Variants in CCSER1 observed in about 807,000 individuals in gnomAD.
The protein encoded by CCSER1 is coiled-coil serine rich protein 1.
CCSER1 carries 41 observed loss-of-function variants against 82.0 expected under a neutral mutation model. The observed-to-expected ratio is 0.50, with a 90% CI of 0.39 to 0.65. The LOEUF is 0.65. Among genes scored for constraint, CCSER1 ranks in the 30% least tolerant of loss-of-function variants. The probability of loss-of-function intolerance (pLI) is 0.00; values close to 1 mark genes in which losing one functional copy is unlikely to be tolerated. For missense variants in CCSER1, 1,119 were observed against 1,064.2 expected (o/e 1.05, Z -0.72); for synonymous variants, 414 against 383.9 (o/e 1.08, Z -0.92).
chr4:91,109,502 T>G (rs1182747275), intron 10 of CCSER1, among the ~76,000 whole-genome samples: 2 of 150,748 alleles, frequency 1.3e-5, no homozygotes, highest in East Asian at 1.9e-4. Flanking sequence ...AAAAAAAAAG[T>G]GTCAAAAGTG....
At chr4:90,433,901 CAA>C (rs1046287611) in intron 4 of CCSER1, among the ~76,000 whole-genome samples, 9 of 151,602 alleles carry the variant, frequency 5.9e-5, no homozygotes, top group Admixed American at 3.3e-4. Context: ...AATTGTAAGA[CAA>C]GAGGTTTAAA....
chr4:90,683,504 T>A (rs1342775093), intron 6 of CCSER1, among the ~76,000 whole-genome samples: 3 of 152,018 alleles, frequency 2.0e-5, no homozygotes, highest in Non-Finnish European at 2.9e-5. Flanking sequence ...GTTGTACTTT[T>A]AAAAAATCTT....
At chr4:91,251,448 A>C (rs1193508220) in intron 10 of CCSER1, among the ~76,000 whole-genome samples, 2 of 152,176 alleles carry the variant, frequency 1.3e-5, no homozygotes, top group Non-Finnish European at 2.9e-5. Context: ...AGGGGACACA[A>C]GTATTCAGTC....
rs1580062546 is a variant in CCSER1 at position 90,707,386 on chromosome 4, A to G, written c.1933-16528A>G. On this transcript the variant is annotated intron_variant, in intron 6 of 10. Transcript: ENST00000509176. ...TGGACTTTACACTTCAAATGTGTACATGTGTACCTTTTGCCATCTTCCCTA... is the reference window on the plus strand; with the variant it reads ...TGGACTTTACACTTCAAATGTGTACGTGTGTACCTTTTGCCATCTTCCCTA... Among the ~76,000 whole-genome samples the G allele has an allele frequency of 6.6e-5, 10 of 152,122 alleles. No homozygotes were observed. In the South Asian group the frequency reaches 2.1e-3, roughly 32 times the overall value.
intron 3 of CCSER1, among the ~76,000 whole-genome samples, chr4:90,315,880 G>A (rs944451194): frequency 1.2e-4 from 18 of 152,138 alleles, no homozygotes; most frequent in Admixed American, 2.0e-4. Context: ...AGGAAGAAAT[G>A]GTAGGGATTA....
intron 10 of CCSER1, among the ~76,000 whole-genome samples, chr4:91,485,697 A>T (rs1169215267): frequency 2.0e-5 from 3 of 152,150 alleles, no homozygotes; most frequent in Admixed American, 6.5e-5. Context: ...GATAGTTACT[A>T]ATGCACTTGG....
chr4:90,169,069 T>A (rs1383101569), intron 1 of CCSER1, among the ~76,000 whole-genome samples: 1 of 152,082 alleles, frequency 6.6e-6, no homozygotes, highest in African/African-American at 2.4e-5. Flanking sequence ...CCTTGGGCAG[T>A]ATGGCCATGT....
chr4:90,972,251 A>G (rs951782252), intron 9 of CCSER1, among the ~76,000 whole-genome samples: 1 of 151,834 alleles, frequency 6.6e-6, no homozygotes, highest in Non-Finnish European at 1.5e-5. Flanking sequence ...ATGCCACCCA[A>G]AACTATTAGA....
At chr4:90,803,371 C>CA (rs1757073464) in intron 7 of CCSER1, among the ~76,000 whole-genome samples, 1 of 143,978 alleles carries the variant, frequency 6.9e-6, no homozygotes, top group Non-Finnish European at 1.6e-5. Flanking sequence ...AGTCCCCCAC[C>CA]CCCTGACAGG....
At chr4:91,022,523 C>A (rs984454171) in intron 9 of CCSER1, among the ~76,000 whole-genome samples, 2 of 151,994 alleles carry the variant, frequency 1.3e-5, no homozygotes, top group African/African-American at 4.8e-5. Flanking sequence ...GGGTATATAC[C>A]CAGTAATGGG....
At chr4:91,594,659 G>T (rs1251767971) in intron 10 of CCSER1, among the ~76,000 whole-genome samples, 1 of 151,790 alleles carries the variant, frequency 6.6e-6, no homozygotes, top group African/African-American at 2.4e-5. Context: ...TTTTAGAATT[G>T]GAAAGCAACT....
At chr4:90,829,519 ATG>A (rs1173899577) in intron 8 of CCSER1, among the ~76,000 whole-genome samples, 2 of 152,204 alleles carry the variant, frequency 1.3e-5, no homozygotes, top group Middle Eastern at 3.2e-3. Context: ...CCAAGTTACC[ATG>A]AGTTAACAGC....
rs1738975673 is a variant in CCSER1, at chr4:91,011,193, T to A, written c.2173-74757T>A. On this transcript the variant is annotated intron_variant, in intron 9 of 10. Coordinates refer to ENST00000509176, the MANE Select transcript of CCSER1 (RefSeq NM_001145065.2). Reference sequence around the variant, plus strand: ...CTTCTTCAGGTGCAATTCACATCAGTGATGACTGTGGGTGCCTCTGTGGCC... The same window carrying A: ...CTTCTTCAGGTGCAATTCACATCAGAGATGACTGTGGGTGCCTCTGTGGCC... 1.5e-5 allele frequency among the ~76,000 whole-genome samples: 2 copies of A among 134,632 alleles called. 1 individual carries two copies. Among genetic ancestry groups the A allele is most frequent in the Non-Finnish European group, 3.5e-5 (2 of 57,932 alleles). 88.3% of individuals were successfully genotyped at this position (134,632 alleles called of 152,430 possible). A position where few individuals can be genotyped will look rare whatever the true frequency, so the allele number is the denominator to read the frequency against.
intron 3 of CCSER1, among the ~76,000 whole-genome samples, chr4:90,327,134 AC>A (rs1264100594): frequency 1.3e-5 from 2 of 152,180 alleles, no homozygotes; most frequent in Non-Finnish European, 2.9e-5. Flanking sequence ...AGGAAAGCAG[AC>A]ACCATTTTCC....
rs532815523 is a variant in CCSER1 at position 90,272,261 on chromosome 4, T to C, written c.-41-35983T>C. 6.6e-5 allele frequency among the ~76,000 whole-genome samples: 10 copies of C among 152,266 alleles called. 1 individual carries two copies. In the South Asian group the frequency reaches 2.1e-3, roughly 32 times the overall value. On this transcript the variant is annotated intron_variant, in intron 1 of 10. Coordinates refer to ENST00000509176, the MANE Select transcript of CCSER1 (RefSeq NM_001145065.2). ...TTTTTAAATGGTCAAACGGTCTGAATAGACATTTGTCAAGACATGCAAATG... is the reference window on the plus strand; with the variant it reads ...TTTTTAAATGGTCAAACGGTCTGAACAGACATTTGTCAAGACATGCAAATG...
At chr4:90,297,983 T>G (rs992566040) in intron 1 of CCSER1, among the ~76,000 whole-genome samples, 1 of 152,156 alleles carries the variant, frequency 6.6e-6, no homozygotes, top group Non-Finnish European at 1.5e-5. Flanking sequence ...TGCCAGGCTT[T>G]GGTGTCAGGA....
intron 9 of CCSER1, among the ~76,000 whole-genome samples, chr4:91,082,411 A>C (rs1722870642): frequency 2.6e-5 from 4 of 152,220 alleles, no homozygotes; most frequent in African/African-American, 7.2e-5. Flanking sequence ...AAATTAATTC[A>C]AGATGGATTA....
At chr4:90,734,788 C>T (rs1745382010) in intron 7 of CCSER1, among the ~76,000 whole-genome samples, 1 of 152,078 alleles carries the variant, frequency 6.6e-6, no homozygotes, top group Non-Finnish European at 1.5e-5. Context: ...GTGGTTTCTT[C>T]CTTTCCAGTT....
In CCSER1 at chr4:90,534,279, G is replaced by A. The variant is rs112633786; in HGVS notation, c.1724+65925G>A. 7.5e-3 allele frequency among the ~76,000 whole-genome samples: 1,143 copies of A among 152,178 alleles called. 18 individuals are homozygous for A. Among genetic ancestry groups the A allele is most frequent in the African/African-American group, 0.026 (1,079 of 41,518 alleles). On this transcript the variant is annotated intron_variant, in intron 5 of 10. Transcript: ENST00000509176. The stretch of plus-strand genomic sequence containing the variant: ...CGAGTAGCTGGGACTACAGGCGCCC[G>A]CCACCACGCCTGGCTAATTTTGTGT...
Sources: gnomAD v4.1 joint callset for allele counts (sites outside exome capture counted in the v4.1 genomes callset) on GRCh38, gnomAD v4.1.1 for gene constraint, MANE v1.5 for transcripts, NCBI Gene and HGNC (gene_info 2026-07-23, HGNC 2026-07-21) for gene names.